SLC6A2: variants seen among roughly 807,000 people sequenced by gnomAD.
SLC6A2 encodes solute carrier family 6 member 2, also known as sodium-dependent noradrenaline transporter.
Under a neutral mutation model 71.7 loss-of-function variants are expected in SLC6A2, and 26 were observed. The ratio of observed to expected loss-of-function variants is 0.36; its 90% CI spans 0.27 to 0.50. The LOEUF (loss-of-function observed/expected upper bound fraction) is 0.50. SLC6A2 is among the 20% of genes least tolerant of loss of function. The probability of loss-of-function intolerance (pLI) is 0.96; values close to 1 mark genes in which losing one functional copy is unlikely to be tolerated. For synonymous variants in SLC6A2, 363 were observed against 337.9 expected (o/e 1.07, Z -0.82); for missense variants, 581 against 803.9 (o/e 0.72, Z 3.35).
chr16:55,705,375 C>A lies in SLC6A2; in HGVS notation c.*3029C>A. On this transcript the variant is annotated 3_prime_UTR_variant, in exon 15 of 15. Transcript: ENST00000568943. ...GTTTTCTAGCCTCGCTAATGTGAGA[C>A]TGAAGCATTCTTACCAAAGAAATCA... The A allele has an allele frequency of 1.4e-6, 1 of 705,886 alleles. No homozygotes were observed. The highest frequency in any genetic ancestry group is 2.3e-6 in the Non-Finnish European group (1 of 429,734). The allele number at this position is 705,886 out of a possible 1,614,324, so 43.7% of individuals were successfully genotyped here. A position where few individuals can be genotyped will look rare whatever the true frequency, so the allele number is the denominator to read the frequency against.
At chr16:55,697,650 G>C (rs774667740) in intron 9 of SLC6A2, among the ~76,000 whole-genome samples, 4 of 152,202 alleles carry the variant, frequency 2.6e-5, no homozygotes, top group Admixed American at 1.3e-4. Context: ...TAGCTGTTGC[G>C]TAGGGGAGAC....
At chr16:55,659,381 A>G (rs1172451747) in intron 2 of SLC6A2, among the ~76,000 whole-genome samples, 1 of 152,198 alleles carries the variant, frequency 6.6e-6, no homozygotes, top group African/African-American at 2.4e-5. Flanking sequence ...TGTTGTATGC[A>G]GTGTACTATA....
Position 55,656,373 on chromosome 16 carries a change from T to C in SLC6A2, c.-52+204T>C. 6.6e-6 allele frequency: 3 copies of C among 452,328 alleles called. No individual in the cohort carries two copies. The highest frequency in any genetic ancestry group is 4.3e-5 in the South Asian group (2 of 45,978). 28.0% of individuals were successfully genotyped at this position (452,328 alleles called of 1,614,324 possible). ...CCTCGGTGAGTTCAATCCCAGCCAT[T>C]TGGGGCAGGCGAGAGTGGGTGAACG... On this transcript the variant is annotated intron_variant, in intron 1 of 14. Transcript: ENST00000568943. The surrounding 1 kb of genome is among the most constrained non-coding windows in gnomAD (Gnocchi z 4.5).
At chr16:55,657,410 C>T (rs113812481) in intron 2 of SLC6A2, among the ~76,000 whole-genome samples, 4 of 152,078 alleles carry the variant, frequency 2.6e-5, no homozygotes, top group Non-Finnish European at 5.9e-5. Flanking sequence ...ACAACCAGGC[C>T]CACAGTGACC....
chr16:55,694,144 C>T (rs748144044), intron 7 of SLC6A2, 31 bp downstream of exon 7: 1 of 1,418,074 alleles, frequency 7.1e-7, no homozygotes. Flanking sequence ...CTGAGAAGCT[C>T]TAAATCCTGG....
chr16:55,694,640 A>G (rs1186737285), intron 7 of SLC6A2, among the ~76,000 whole-genome samples: 1 of 152,332 alleles, frequency 6.6e-6, no homozygotes, highest in East Asian at 1.9e-4. Flanking sequence ...GGCTTAAGGC[A>G]GAATCACAGT....
At chr16:55,666,007 G>C (rs1964740007) in intron 2 of SLC6A2, among the ~76,000 whole-genome samples, 1 of 152,230 alleles carries the variant, frequency 6.6e-6, no homozygotes, top group Non-Finnish European at 1.5e-5. Flanking sequence ...TGTCCATTTT[G>C]CATGAGTATG....
chr16:55,690,215 C>T lies in SLC6A2; in HGVS notation c.784-1703C>T, dbSNP rs1965573293. Among the ~76,000 whole-genome samples, 5 of 152,254 alleles carry T rather than the reference C, an allele frequency of 3.3e-5. No individual in the cohort carries two copies. In the South Asian group the frequency reaches 1.0e-3, roughly 32 times the overall value. ...TACACCACTGCCCAGTCCAATCATT[C>T]GTACAATAAACATTTATTTGGACTC... On this transcript the variant is annotated intron_variant, in intron 5 of 14. Coordinates refer to ENST00000568943, the MANE Select transcript of SLC6A2 (RefSeq NM_001172501.3).
chr16:55,664,223 G>A (rs547554548), intron 2 of SLC6A2, among the ~76,000 whole-genome samples: 2 of 152,134 alleles, frequency 1.3e-5, no homozygotes, highest in Non-Finnish European at 2.9e-5. Context: ...TCTGGCCGGT[G>A]CTTCCATTCC....
chr16:55,685,348 G>C, intron 5 of SLC6A2, 67 bp downstream of exon 5: 1 of 1,528,990 alleles, frequency 6.5e-7, no homozygotes, highest in Non-Finnish European at 9.1e-7. Flanking sequence ...ATTATTTCTA[G>C]CAATAATTAT....
rs766436160 is a variant in SLC6A2 at position 55,697,977 on chromosome 16, T to C, written c.1341T>C (p.Phe447=). The C allele has an allele frequency of 6.2e-6, 10 of 1,614,138 alleles. No homozygotes were observed. In the South Asian group the frequency reaches 1.1e-4, roughly 18 times the overall value. Residue 447 remains phenylalanine, a synonymous_variant, in exon 10 of 15, where the codon TTT becomes TTC. Coordinates refer to ENST00000568943, the MANE Select transcript of SLC6A2 (RefSeq NM_001172501.3). ...AGCGACACCGGAAACTCTTCACATT[T>C]GGCGTCACCTTCAGCACTTTCCTTC... is the stretch of plus-strand genomic sequence containing the variant. ...VLKRHRKLFT[F]GVTFSTFLLA... is the part of the protein sequence containing the mutation.
At chr16:55,686,003 A>G (rs1373634472) in intron 5 of SLC6A2, among the ~76,000 whole-genome samples, 1 of 152,212 alleles carries the variant, frequency 6.6e-6, no homozygotes, top group African/African-American at 2.4e-5. Context: ...TACAGGGTCT[A>G]TTTAGAAGCT....
At chr16:55,669,835 C>T in intron 3 of SLC6A2, 139 bp downstream of exon 3, 2 of 917,052 alleles carry the variant, frequency 2.2e-6, no homozygotes, top group Middle Eastern at 2.2e-4. Context: ...TCAACAGTGT[C>T]CCCCATTCCA....
chr16:55,683,377 C>A (rs1965340757), intron 4 of SLC6A2, among the ~76,000 whole-genome samples: 1 of 152,106 alleles, frequency 6.6e-6, no homozygotes, highest in Non-Finnish European at 1.5e-5. Flanking sequence ...TTTGGGAGGC[C>A]AAGGCAGGTG....
At chr16:55,689,750 G>A (rs1402225411) in intron 5 of SLC6A2, among the ~76,000 whole-genome samples, 1 of 152,188 alleles carries the variant, frequency 6.6e-6, no homozygotes, top group African/African-American at 2.4e-5. Context: ...ACTTTCCAGG[G>A]CATGTTTCCC....
At chr16:55,676,108 A>G (rs1387973416) in intron 4 of SLC6A2, among the ~76,000 whole-genome samples, 1 of 152,176 alleles carries the variant, frequency 6.6e-6, no homozygotes, top group South Asian at 2.1e-4. Flanking sequence ...ATTCCCATGG[A>G]CTTCTAACAG....
chr16:55,669,972 G>T (rs71393092), intron 3 of SLC6A2, among the ~76,000 whole-genome samples: 1 of 152,082 alleles, frequency 6.6e-6, no homozygotes, highest in South Asian at 2.1e-4. Context: ...AAATTTTTAC[G>T]TAAGTATCAG....
At chr16:55,682,832 G>A (rs560123948) in intron 4 of SLC6A2, among the ~76,000 whole-genome samples, 19 of 152,238 alleles carry the variant, frequency 1.2e-4, no homozygotes, top group Admixed American at 1.0e-3. Flanking sequence ...GAACCCAGTG[G>A]GATCTCGTTT....
At chr16:55,684,038 C>G (rs574321951) in intron 4 of SLC6A2, among the ~76,000 whole-genome samples, 1 of 152,226 alleles carries the variant, frequency 6.6e-6, no homozygotes, top group South Asian at 2.1e-4. Flanking sequence ...TGGCTCACAC[C>G]TATAATCTCA....
Sources: allele counts gnomAD v4.1 joint callset (sites outside exome capture counted in the v4.1 genomes callset), GRCh38; gene constraint gnomAD v4.1.1; non-coding constraint Gnocchi (gnomAD v3.1); transcripts MANE v1.5; gene names NCBI Gene and HGNC (gene_info 2026-07-23, HGNC 2026-07-21).